The following GSTO2 variants were observed in gnomAD, a reference collection of about 807,000 sequenced individuals.
The protein encoded by GSTO2 is glutathione S-transferase omega-2.
Under a neutral mutation model 28.4 loss-of-function variants are expected in GSTO2, and 23 were observed. The observed-to-expected ratio is 0.81, with a 90% CI of 0.58 to 1.15. The LOEUF (loss-of-function observed/expected upper bound fraction) is 1.15. Among genes scored for constraint, GSTO2 ranks in the 50% most tolerant of loss-of-function variants. The pLI, the probability that GSTO2 is intolerant of heterozygous loss-of-function variation, is 0.00. For missense variants in GSTO2, 298 were observed against 297.8 expected (o/e 1.00, Z 0.00); for synonymous variants, 109 against 111.0 (o/e 0.98, Z 0.11).
At chr10:104,281,066 G>C (rs1013428288) in intron 5 of GSTO2, among the ~76,000 whole-genome samples, 1 of 152,152 alleles carries the variant, frequency 6.6e-6, no homozygotes, top group African/African-American at 2.4e-5. Context: ...ACCTCTCTGG[G>C]CCTTGGTTTT....
At chr10:104,288,701 A>C (rs1288240401) in intron 5 of GSTO2, among the ~76,000 whole-genome samples, 1 of 152,176 alleles carries the variant, frequency 6.6e-6, no homozygotes, top group Non-Finnish European at 1.5e-5. Context: ...TTGTCTGTTC[A>C]GTTCAGGGGC....
chr10:104,299,410 G>A lies in GSTO2; in HGVS notation c.*126G>A. 9.3e-7 allele frequency: 1 copy of A among 1,073,962 alleles called. No individual in the cohort carries two copies. The highest frequency in any genetic ancestry group is 1.4e-6 in the Non-Finnish European group (1 of 721,472). 66.5% of individuals were successfully genotyped at this position (1,073,962 alleles called of 1,614,324 possible). A position where few individuals can be genotyped will look rare whatever the true frequency, so the allele number is the denominator to read the frequency against. ...TGAAGTTCCCAATAAAATGAAAACA[G>A]GAAATGTATTCTTCTGATAATCATT... On this transcript the variant is annotated 3_prime_UTR_variant, in exon 7 of 7. Transcript: ENST00000338595.
rs1470214095 is a variant in GSTO2 at position 104,297,457 on chromosome 10, GAGA to G, written c.469-118_469-116del. ...GAAGAAGCATTCTCCTAACCAGAGG[GAGA>G]AGGAGAGAGGCCTCAGTTCTCCCTC... On this transcript the variant is annotated intron_variant, in intron 5 of 6. Transcript: ENST00000338595. The G allele has an allele frequency of 8.1e-6, 5 of 616,834 alleles. No individual in the cohort carries two copies. The East Asian group carries it at 8.9e-5, about 11-fold the overall frequency. 38.2% of individuals were successfully genotyped at this position (616,834 alleles called of 1,614,324 possible).
intron 5 of GSTO2, among the ~76,000 whole-genome samples, chr10:104,287,750 G>A (rs1256028399): frequency 1.3e-5 from 2 of 151,396 alleles, no homozygotes; most frequent in Non-Finnish European, 1.5e-5. Context: ...ATTAGGGTGG[G>A]TAAGAAAAGT....
At position 104,277,576 on chromosome 10, in the gene GSTO2, G is replaced by A. The variant is rs147329207; in HGVS notation, c.144-318G>A. On this transcript the variant is annotated intron_variant, in intron 3 of 6. Coordinates refer to ENST00000338595, the MANE Select transcript of GSTO2 (RefSeq NM_183239.2). ...GCTGGGATTACAGGTGTGAGGCACC[G>A]CGCCCGGCCAGCTCTACTACTTCTT... Among the ~76,000 whole-genome samples the A allele has an allele frequency of 6.8e-3, 1,037 of 152,162 alleles. 13 individuals carry two copies. The highest frequency in any genetic ancestry group is 8.3e-3 in the Non-Finnish European group (564 of 68,002).
chr10:104,278,640 C>G (rs1376340676), intron 4 of GSTO2, among the ~76,000 whole-genome samples: 1 of 152,202 alleles, frequency 6.6e-6, no homozygotes, highest in African/African-American at 2.4e-5. Flanking sequence ...TGCCACCACA[C>G]CCCCTAATTG....
At chr10:104,284,184 A>G (rs2012268014) in intron 5 of GSTO2, among the ~76,000 whole-genome samples, 1 of 151,906 alleles carries the variant, frequency 6.6e-6, no homozygotes, top group Non-Finnish European at 1.5e-5. Context: ...ACATGGCAAA[A>G]CCTTATCTCT....
rs1291208648 is a variant in GSTO2, at chr10:104,304,125, A to G, written c.*4841A>G. 3 of 152,286 alleles carry G rather than the reference A, an allele frequency of 2.0e-5. No individual in the cohort carries two copies. The highest frequency in any genetic ancestry group is 6.5e-5 in the Admixed American group (1 of 15,274). The allele number at this position is 152,286 out of a possible 1,614,324, so 9.4% of individuals were successfully genotyped here. A position where few individuals can be genotyped will look rare whatever the true frequency, so the allele number is the denominator to read the frequency against. On this transcript the variant is annotated 3_prime_UTR_variant, in exon 7 of 7. Coordinates refer to ENST00000338595, the MANE Select transcript of GSTO2 (RefSeq NM_183239.2). Reference sequence around the variant, plus strand: ...TCACAAATAACCAAATATCCAGCCCAGTGCAGTTCTCAATGAGTAGTCTCC... The same window carrying G: ...TCACAAATAACCAAATATCCAGCCCGGTGCAGTTCTCAATGAGTAGTCTCC...
Position 104,272,986 on chromosome 10 carries a change from T to C in GSTO2, c.-231-1699T>C, listed in dbSNP as rs914968264. Among the ~76,000 whole-genome samples, 8 of 152,178 alleles carry C rather than the reference T, an allele frequency of 5.3e-5. No homozygotes were observed. In the East Asian group the frequency reaches 1.5e-3, roughly 29 times the overall value. On this transcript the variant is annotated intron_variant, in intron 1 of 6. Transcript: ENST00000338595. ...CCAAATATATATTAGTAATAATTTA[T>C]TTTGATTTTGAGATTTTGCAACCCT...
intron 4 of GSTO2, among the ~76,000 whole-genome samples, chr10:104,278,992 G>A (rs575370237): frequency 6.6e-6 from 1 of 152,272 alleles, no homozygotes; most frequent in African/African-American, 2.4e-5. Context: ...TTACTTTGTA[G>A]GAGCTAACTC....
chr10:104,296,770 CTTTTTCTTTTCT>C (rs1163522730), intron 5 of GSTO2: 3 of 150,552 alleles, frequency 2.0e-5, no homozygotes, highest in East Asian at 2.0e-4. Context: ...TTCTTTTTTT[CTTTTTCTTTTCT>C]TTTTTCTTTT....
intron 5 of GSTO2, among the ~76,000 whole-genome samples, chr10:104,288,919 C>T (rs770246695): frequency 2.0e-5 from 3 of 152,150 alleles, no homozygotes; most frequent in Non-Finnish European, 4.4e-5. Context: ...CTTATATGTG[C>T]TATGATTTCC....
At position 104,293,413 on chromosome 10, in the gene GSTO2, A is replaced by G. The variant is rs140718397; in HGVS notation, c.469-4165A>G. On this transcript the variant is annotated intron_variant, in intron 5 of 6. Transcript: ENST00000338595. ...ACAAGAGACTTGAGGAAGCTTTTTT[A>G]TTTTTATTTTGTTCTGTTTATTTAT... Among the ~76,000 whole-genome samples the G allele has an allele frequency of 1.8e-3, 278 of 151,872 alleles. 2 individuals carry two copies. The highest frequency in any genetic ancestry group is 0.013 in the Admixed American group (191 of 15,260).
At chr10:104,272,632 G>C (rs1478369993) in intron 1 of GSTO2, among the ~76,000 whole-genome samples, 23 of 29,712 alleles carry the variant, frequency 7.7e-4, no homozygotes, top group South Asian at 1.3e-3. Context: ...TTTTTTTTTT[G>C]AGACGGAGTC....
At chr10:104,282,706 T>C (rs1321585129) in intron 5 of GSTO2, among the ~76,000 whole-genome samples, 1 of 152,120 alleles carries the variant, frequency 6.6e-6, no homozygotes, top group African/African-American at 2.4e-5. Context: ...TTTGAGGAAC[T>C]AAGATGAGAT....
rs888585970 is a variant in GSTO2 at position 104,299,608 on chromosome 10, T to C, written c.*324T>C. On this transcript the variant is annotated 3_prime_UTR_variant, in exon 7 of 7. Transcript: ENST00000338595. ...CTCCCGCCTCAGCCTCCTGAGAAGC[T>C]AGGACTACAGGTATGTGTCACCACG... 64 of 298,174 alleles carry C rather than the reference T, an allele frequency of 2.1e-4. 1 individual carries two copies. The highest frequency in any genetic ancestry group is 2.0e-3 in the South Asian group (62 of 31,592). The allele number at this position is 298,174 out of a possible 1,614,324, so 18.5% of individuals were successfully genotyped here.
intron 1 of GSTO2, among the ~76,000 whole-genome samples, chr10:104,273,624 T>C (rs2011508298): frequency 6.6e-6 from 1 of 152,264 alleles, no homozygotes; most frequent in South Asian, 2.1e-4. Context: ...TCAAGTATTA[T>C]TTGTTGAGCA....
chr10:104,298,567 C>G (rs1303565097), intron 6 of GSTO2, among the ~76,000 whole-genome samples: 2 of 152,212 alleles, frequency 1.3e-5, no homozygotes, highest in African/African-American at 2.4e-5. Flanking sequence ...TCCCGACAAC[C>G]CATTCATATT....
intron 5 of GSTO2, among the ~76,000 whole-genome samples, chr10:104,290,635 C>T (rs1460222612): frequency 2.0e-5 from 3 of 152,066 alleles, no homozygotes; most frequent in African/African-American, 7.2e-5. Flanking sequence ...TGAAACAAGC[C>T]AGGCACAGAA....
Sources: allele counts gnomAD v4.1 joint callset (sites outside exome capture counted in the v4.1 genomes callset), GRCh38; gene constraint gnomAD v4.1.1; transcripts MANE v1.5; gene names NCBI Gene and HGNC (gene_info 2026-07-23, HGNC 2026-07-21).